The following MGMT variants were observed in gnomAD, a reference collection of about 807,000 sequenced individuals.
MGMT encodes methylated-DNA--protein-cysteine methyltransferase.
A neutral mutation model predicts 15.9 loss-of-function variants in MGMT; 14 were observed. The ratio of observed to expected loss-of-function variants is 0.88; its 90% CI spans 0.58 to 1.37. The LOEUF is 1.37. MGMT is among the 40% of genes most tolerant of loss of function. MGMT has a pLI of 0.00. For synonymous variants in MGMT, 130 were observed against 118.2 expected, an observed-to-expected ratio of 1.10 and a Z score of -0.65; for missense variants, 282 against 268.1, an observed-to-expected ratio of 1.05 and a Z score of -0.36.
chr10:129,671,758 C>T (rs918070736), intron 2 of MGMT, among the ~76,000 whole-genome samples: 2 of 152,208 alleles, frequency 1.3e-5, no homozygotes, highest in African/African-American at 2.4e-5. Flanking sequence ...AGAAATCGCT[C>T]ACGTCATTGC....
intron 2 of MGMT, among the ~76,000 whole-genome samples, chr10:129,578,799 C>T (rs1042795193): frequency 1.1e-4 from 16 of 152,138 alleles, no homozygotes; most frequent in South Asian, 4.1e-4. Flanking sequence ...CCTTCCTTAC[C>T]GCTACCTCTC....
chr10:129,632,608 G>T (rs979413927), intron 2 of MGMT, among the ~76,000 whole-genome samples: 8 of 152,200 alleles, frequency 5.3e-5, no homozygotes, highest in African/African-American at 1.9e-4. Flanking sequence ...ACTGTCCTTG[G>T]TTCTGGTGAA....
At chr10:129,648,496 C>T (rs1847421531) in intron 2 of MGMT, among the ~76,000 whole-genome samples, 1 of 152,080 alleles carries the variant, frequency 6.6e-6, no homozygotes, top group Non-Finnish European at 1.5e-5. Context: ...GAACCAGATT[C>T]ATAAAATGTG....
rs202113261 is a variant in MGMT, at chr10:129,759,305, C to T, written c.378C>T (p.Ala126=). 14 of 1,614,132 alleles carry T rather than the reference C, an allele frequency of 8.7e-6. No homozygotes were observed. Among genetic ancestry groups the T allele is most frequent in the South Asian group, 7.7e-5 (7 of 91,070 alleles). The change falls in exon 4 of 5, where the codon GCC becomes GCT. Residue 126 remains alanine (A), a synonymous_variant. Coordinates refer to ENST00000651593, the MANE Select transcript of MGMT (RefSeq NM_002412.5). ...QLAALAGNPK[A]ARAVGGAMRG... ...CAGCCCTGGCAGGCAACCCCAAAGC[C>T]GCGCGAGCAGTGGGAGGAGCAATGA... is the stretch of plus-strand genomic sequence containing the variant.
intron 2 of MGMT, among the ~76,000 whole-genome samples, chr10:129,638,446 GAAAAA>G (rs1157292152): frequency 4.2e-5 from 4 of 96,318 alleles, no homozygotes; most frequent in Non-Finnish European, 6.2e-5. Flanking sequence ...AAAAAAAAAA[GAAAAA>G]AAAAAGAAAA....
intron 1 of MGMT, among the ~76,000 whole-genome samples, chr10:129,526,444 C>CG (rs1286075689): frequency 1.3e-5 from 2 of 152,202 alleles, no homozygotes; most frequent in East Asian, 3.9e-4. Flanking sequence ...CACACAGACC[C>CG]GAAGCCCAGG....
chr10:129,515,918 CTGTTT>C (rs963160183), intron 1 of MGMT, among the ~76,000 whole-genome samples: 3 of 152,150 alleles, frequency 2.0e-5, no homozygotes, highest in Non-Finnish European at 4.4e-5. Flanking sequence ...TGTGAAGGGT[CTGTTT>C]TATTTTTTAT....
At chr10:129,561,336 G>A (rs1181633007) in intron 2 of MGMT, among the ~76,000 whole-genome samples, 1 of 152,030 alleles carries the variant, frequency 6.6e-6, no homozygotes, top group African/African-American at 2.4e-5. Context: ...GTGAGACGGC[G>A]AGCGAGGAGG....
At chr10:129,755,623 G>C (rs1186872318) in intron 3 of MGMT, among the ~76,000 whole-genome samples, 1 of 152,248 alleles carries the variant, frequency 6.6e-6, no homozygotes, top group Non-Finnish European at 1.5e-5. Flanking sequence ...AGGGAAAGGA[G>C]ACTCCTCCTC....
intron 3 of MGMT, among the ~76,000 whole-genome samples, chr10:129,734,702 A>T (rs974130106): frequency 5.5e-4 from 84 of 152,138 alleles, no homozygotes; most frequent in African/African-American, 1.9e-3. Context: ...TGGGTTTGTC[A>T]TAGATAGCAC....
chr10:129,610,775 T>C (rs1384023253), intron 2 of MGMT, among the ~76,000 whole-genome samples: 1 of 152,252 alleles, frequency 6.6e-6, no homozygotes, highest in Non-Finnish European at 1.5e-5. Context: ...AGGCAAAAGT[T>C]TGCAAAGCCC....
intron 2 of MGMT, among the ~76,000 whole-genome samples, chr10:129,555,611 A>T (rs1348582817): frequency 1.3e-5 from 2 of 152,092 alleles, no homozygotes; most frequent in Non-Finnish European, 2.9e-5. Flanking sequence ...GCTACTCAGG[A>T]GGCTGAGGCG....
At chr10:129,535,104 G>A (rs1304977176) in intron 1 of MGMT, among the ~76,000 whole-genome samples, 3 of 152,160 alleles carry the variant, frequency 2.0e-5, no homozygotes, top group Admixed American at 2.0e-4. Context: ...CTTGATGTAG[G>A]GAGCCTTTGC....
chr10:129,748,738 C>G (rs1017803119), intron 3 of MGMT, among the ~76,000 whole-genome samples: 1 of 152,124 alleles, frequency 6.6e-6, no homozygotes, highest in Non-Finnish European at 1.5e-5. Context: ...AACATTAGTT[C>G]CTATTGATAT....
In MGMT at chr10:129,556,732, G is replaced by A. The variant is rs1846218672; in HGVS notation, c.125+20355G>A. Among the ~76,000 whole-genome samples the A allele has an allele frequency of 6.6e-6, 1 of 152,184 alleles. No individual in the cohort carries two copies. The highest frequency in any genetic ancestry group is 2.4e-5 in the African/African-American group (1 of 41,446). ...ATGGTATTTTACACATATTTGAAAA[G>A]AAAGGTTTGAGAAGGCATCCATTAT... On this transcript the variant is annotated intron_variant, in intron 2 of 4. Coordinates refer to ENST00000651593, the MANE Select transcript of MGMT (RefSeq NM_002412.5). This position sits in a 1 kb window ranked among gnomAD's most constrained non-coding sequence, Gnocchi z 4.3.
chr10:129,651,957 T>C (rs893715541), intron 2 of MGMT, among the ~76,000 whole-genome samples: 7 of 149,704 alleles, frequency 4.7e-5, no homozygotes, highest in African/African-American at 1.8e-4. Flanking sequence ...CAGAGGCCGG[T>C]GGCGTGGTGT....
At chr10:129,756,476 T>G (rs1388765048) in intron 3 of MGMT, among the ~76,000 whole-genome samples, 5 of 152,100 alleles carry the variant, frequency 3.3e-5, no homozygotes, top group Non-Finnish European at 1.5e-5. Context: ...TTTGTTTTGT[T>G]TTTTGTTTTT....
At chr10:129,733,923 C>G (rs1848531239) in intron 3 of MGMT, among the ~76,000 whole-genome samples, 1 of 152,120 alleles carries the variant, frequency 6.6e-6, no homozygotes, top group South Asian at 2.1e-4. Context: ...GTCTATATCT[C>G]TGTTTTGGTA....
intron 3 of MGMT, among the ~76,000 whole-genome samples, chr10:129,739,220 A>G (rs7919354): frequency 0.94 from 143,825 of 152,250 alleles, 68,021 homozygotes; most frequent in East Asian, 1. Context: ...AAAACTGGAA[A>G]CATTCACTTT....
Sources: gnomAD v4.1 joint callset for allele counts (sites outside exome capture counted in the v4.1 genomes callset) on GRCh38, gnomAD v4.1.1 for gene constraint, Gnocchi (gnomAD v3.1) non-coding constraint, MANE v1.5 for transcripts, NCBI Gene and HGNC (gene_info 2026-07-23, HGNC 2026-07-21) for gene names.